WWOX: variants seen among roughly 807,000 people sequenced by gnomAD.
WWOX encodes WW domain containing oxidoreductase.
WWOX carries 69 observed loss-of-function variants against 46.2 expected under a neutral mutation model. That is an observed-to-expected ratio of 1.49 (90% CI 1.23 to 1.82). WWOX has a LOEUF of 1.82. Among genes scored for constraint, WWOX ranks in the 40% most tolerant of loss-of-function variants. WWOX has a pLI of 0.00. For synonymous variants in WWOX, 359 were observed against 202.6 expected, an observed-to-expected ratio of 1.77 and a Z score of -6.56; for missense variants, 919 against 542.6, an observed-to-expected ratio of 1.69 and a Z score of -6.89.
intron 8 of WWOX, among the ~76,000 whole-genome samples, chr16:78,861,171 T>A (rs533466154): frequency 6.6e-6 from 1 of 151,902 alleles, no homozygotes; most frequent in East Asian, 1.9e-4. Context: ...TCTTTCTTCC[T>A]CTCTTTGCTT....
chr16:78,238,846 G>A (rs539581611), intron 5 of WWOX, among the ~76,000 whole-genome samples: 65 of 149,972 alleles, frequency 4.3e-4, no homozygotes, highest in African/African-American at 7.1e-4. Flanking sequence ...CTCGAACTCC[G>A]GACCTCAGGT....
chr16:79,025,915 C>T (rs147239514), intron 8 of WWOX, among the ~76,000 whole-genome samples: 2 of 145,430 alleles, frequency 1.4e-5, no homozygotes, highest in Admixed American at 7.1e-5. Flanking sequence ...TCTCCTGCCT[C>T]ACCCTCCCGA....
chr16:78,816,090 C>T (rs2051323021), intron 8 of WWOX, among the ~76,000 whole-genome samples: 4 of 152,180 alleles, frequency 2.6e-5, no homozygotes, highest in African/African-American at 2.4e-5. Flanking sequence ...ATGGAATCCC[C>T]TCTGCCTTAA....
intron 8 of WWOX, among the ~76,000 whole-genome samples, chr16:78,640,229 T>G (rs1447863504): frequency 1.5e-4 from 7 of 48,236 alleles, no homozygotes; most frequent in Non-Finnish European, 2.7e-4. Flanking sequence ...TTGTTGGGTT[T>G]TTTTTTTTTT....
At chr16:78,817,659 T>C (rs575128230) in intron 8 of WWOX, among the ~76,000 whole-genome samples, 54 of 152,282 alleles carry the variant, frequency 3.5e-4, no homozygotes, top group African/African-American at 1.2e-3. Context: ...CTCCTGGGTA[T>C]TGGGGATGAG....
intron 8 of WWOX, among the ~76,000 whole-genome samples, chr16:78,798,224 T>C (rs1469518902): frequency 1.3e-5 from 2 of 152,160 alleles, no homozygotes; most frequent in African/African-American, 4.8e-5. Flanking sequence ...TTGTTATTTT[T>C]AATCCAAACT....
chr16:78,848,086 C>G (rs1277034521), intron 8 of WWOX, among the ~76,000 whole-genome samples: 1 of 152,186 alleles, frequency 6.6e-6, no homozygotes, highest in Non-Finnish European at 1.5e-5. Context: ...TGACCCCAGA[C>G]ACACCAGAGA....
chr16:78,596,293 T>C (rs1478916545), intron 8 of WWOX, among the ~76,000 whole-genome samples: 1 of 152,236 alleles, frequency 6.6e-6, no homozygotes, highest in Non-Finnish European at 1.5e-5. Flanking sequence ...TTTGAGATCC[T>C]GTCTGGCTGG....
intron 8 of WWOX, among the ~76,000 whole-genome samples, chr16:79,028,448 C>T (rs2047689235): frequency 1.3e-5 from 2 of 151,802 alleles, no homozygotes; most frequent in African/African-American, 4.9e-5. Flanking sequence ...TTGATTAGGA[C>T]ATTTTACTGA....
Position 78,620,794 on chromosome 16 carries a change from A to G in WWOX, c.1056+188042A>G, listed in dbSNP as rs958656288. On this transcript the variant is annotated intron_variant, in intron 8 of 8. Transcript: ENST00000566780. ...TGGCAAGTGTGTCAAATTTATAAATATCACTACTATAAAGACATACTTTTG... is the reference window on the plus strand; with the variant it reads ...TGGCAAGTGTGTCAAATTTATAAATGTCACTACTATAAAGACATACTTTTG... 3.9e-5 allele frequency among the ~76,000 whole-genome samples: 6 copies of G among 152,160 alleles called. No homozygotes were observed. In the South Asian group the frequency reaches 1.0e-3, roughly 26 times the overall value.
intron 5 of WWOX, among the ~76,000 whole-genome samples, chr16:78,224,359 A>G (rs950159587): frequency 2.0e-5 from 3 of 151,708 alleles, no homozygotes; most frequent in African/African-American, 7.3e-5. Context: ...CATTTCCAAT[A>G]TGTAATTCCT....
intron 8 of WWOX, among the ~76,000 whole-genome samples, chr16:79,038,142 A>G (rs1245401379): frequency 1.3e-5 from 2 of 152,106 alleles, no homozygotes; most frequent in Admixed American, 6.5e-5. Flanking sequence ...TCCCCCCGTG[A>G]ACCCCAGGAC....
At chr16:78,403,746 T>C (rs959345591) in intron 6 of WWOX, among the ~76,000 whole-genome samples, 7 of 152,232 alleles carry the variant, frequency 4.6e-5, no homozygotes, top group African/African-American at 1.7e-4. Flanking sequence ...AGACAAAGTT[T>C]TCAGTTGTAA....
intron 8 of WWOX, among the ~76,000 whole-genome samples, chr16:79,096,369 T>A (rs1053875104): frequency 6.6e-6 from 1 of 152,128 alleles, no homozygotes; most frequent in African/African-American, 2.4e-5. Context: ...GTCCTCTCCC[T>A]TCCCCCATTG....
intron 8 of WWOX, among the ~76,000 whole-genome samples, chr16:78,844,098 C>T (rs1185683929): frequency 1.3e-5 from 2 of 152,136 alleles, no homozygotes; most frequent in East Asian, 3.9e-4. Flanking sequence ...TAAGGTGACG[C>T]TGGGTGCCTT....
intron 8 of WWOX, among the ~76,000 whole-genome samples, chr16:79,001,884 A>T (rs1597259715): frequency 6.6e-6 from 1 of 152,298 alleles, no homozygotes; most frequent in East Asian, 1.9e-4. Context: ...GTCTTTCTAG[A>T]GCAACCTCTT....
chr16:78,263,713 C>T (rs1220357439), intron 5 of WWOX, among the ~76,000 whole-genome samples: 4 of 152,144 alleles, frequency 2.6e-5, no homozygotes, highest in Non-Finnish European at 5.9e-5. Context: ...TTTGTAATTA[C>T]TGATGAGAAG....
chr16:79,127,720 A>T (rs555323684), intron 8 of WWOX, among the ~76,000 whole-genome samples: 2 of 152,152 alleles, frequency 1.3e-5, no homozygotes, highest in Non-Finnish European at 2.9e-5. Context: ...TCTGATTTAC[A>T]TTCCCACTAA....
rs76917564 is a variant in WWOX at position 78,434,540 on chromosome 16, C to G, written c.1056+1788C>G. 5.4e-3 allele frequency among the ~76,000 whole-genome samples: 817 copies of G among 152,250 alleles called. 35 individuals carry two copies. The East Asian group carries it at 0.11, about 20-fold the overall frequency. Reference sequence around the variant, plus strand: ...GGGGAGAGGAGAGAGGTGGATTCTTCCTTATTTTCTGCTGGCCCAGTGCCT... The same window carrying G: ...GGGGAGAGGAGAGAGGTGGATTCTTGCTTATTTTCTGCTGGCCCAGTGCCT... On this transcript the variant is annotated intron_variant, in intron 8 of 8. Transcript: ENST00000566780.
Sources: allele counts gnomAD v4.1 joint callset (sites outside exome capture counted in the v4.1 genomes callset), GRCh38; gene constraint gnomAD v4.1.1; transcripts MANE v1.5; gene names NCBI Gene and HGNC (gene_info 2026-07-23, HGNC 2026-07-21).